The following FOXP1 variants were observed in gnomAD, a reference collection of about 807,000 sequenced individuals.
The protein encoded by FOXP1 is forkhead box P1.
A neutral mutation model predicts 98.2 loss-of-function variants in FOXP1; 15 were observed. The observed-to-expected ratio is 0.15, with a 90% CI of 0.10 to 0.24. The LOEUF is 0.24. FOXP1 is among the 10% of genes least tolerant of loss of function. The pLI, the probability that FOXP1 is intolerant of heterozygous loss-of-function variation, is 1.00. For missense variants in FOXP1, 633 were observed against 848.5 expected, an observed-to-expected ratio of 0.75 and a Z score of 3.15; for synonymous variants, 371 against 314.5, an observed-to-expected ratio of 1.18 and a Z score of -1.90.
chr3:71,010,986 G>A (rs2043525636), intron 12 of FOXP1, among the ~76,000 whole-genome samples: 1 of 152,060 alleles, frequency 6.6e-6, no homozygotes, highest in Non-Finnish European at 1.5e-5. Flanking sequence ...ACAGAGAAGT[G>A]GGAAATGTGA....
chr3:71,036,832 G>A (rs1471161730), intron 11 of FOXP1, among the ~76,000 whole-genome samples: 6 of 152,124 alleles, frequency 3.9e-5, no homozygotes, highest in African/African-American at 7.2e-5. Flanking sequence ...TCTTTTAAAC[G>A]CAGTGATTTG....
At chr3:71,005,217 T>C (rs1156554802) in intron 12 of FOXP1, among the ~76,000 whole-genome samples, 1 of 148,816 alleles carries the variant, frequency 6.7e-6, no homozygotes, top group Non-Finnish European at 1.5e-5. Context: ...ACTGGCAGCA[T>C]CTCTTAGCCA....
At chr3:70,975,467 G>A (rs571228745) in intron 17 of FOXP1, among the ~76,000 whole-genome samples, 6 of 152,220 alleles carry the variant, frequency 3.9e-5, no homozygotes, top group South Asian at 4.1e-4. Flanking sequence ...GGTTATATTC[G>A]TTTTCTTTTA....
chr3:71,117,866 G>A (rs1335456995), intron 6 of FOXP1, among the ~76,000 whole-genome samples: 1 of 152,170 alleles, frequency 6.6e-6, no homozygotes, highest in African/African-American at 2.4e-5. Context: ...GACACAGTTT[G>A]AGGATGTCAC....
chr3:71,391,371 T>C (rs1220651945), intron 3 of FOXP1, among the ~76,000 whole-genome samples: 2 of 152,194 alleles, frequency 1.3e-5, no homozygotes, highest in African/African-American at 4.8e-5. Context: ...TCTTTCCAAA[T>C]AAAAATGAGT....
chr3:71,553,905 C>T (rs2045945212), intron 2 of FOXP1, among the ~76,000 whole-genome samples: 1 of 152,158 alleles, frequency 6.6e-6, no homozygotes, highest in Non-Finnish European at 1.5e-5. Flanking sequence ...TAGTTAGCTA[C>T]AGTTTCTATT....
At chr3:71,427,688 C>T (rs2084288873) in intron 3 of FOXP1, among the ~76,000 whole-genome samples, 1 of 152,186 alleles carries the variant, frequency 6.6e-6, no homozygotes. Flanking sequence ...GAGAATGATA[C>T]AAGCGATGGA....
chr3:71,558,406 A>G (rs1252416585), intron 2 of FOXP1, among the ~76,000 whole-genome samples: 1 of 152,228 alleles, frequency 6.6e-6, no homozygotes, highest in Non-Finnish European at 1.5e-5. Flanking sequence ...AGGAATAAGC[A>G]ATTCGGGCTA....
At position 71,442,501 on chromosome 3, in the gene FOXP1, T is replaced by C. The variant is rs148833848; in HGVS notation, c.-168+50925A>G. 3.2e-4 allele frequency among the ~76,000 whole-genome samples: 48 copies of C among 152,276 alleles called. No homozygotes were observed. The East Asian group carries it at 9.1e-3, about 29-fold the overall frequency. ...CAGCTGATTTTAGTGAAATTATTCA[T>C]GCAAGTCTCGCGCAGTGAGTTGGGT... On this transcript the variant is annotated intron_variant, in intron 3 of 20. Transcript: ENST00000649528.
chr3:70,972,692 AAGAG>A lies in FOXP1; in HGVS notation c.1531-20_1531-17del. On this transcript the variant is annotated splice_polypyrimidine_tract_variant and intron_variant, in intron 17 of 20. Transcript: ENST00000649528. ...GCACTGCATTCTGCAGCAAGTATAA[AAGAG>A]AGAACATTTACATTTTCTATAAGAA... is the stretch of plus-strand genomic sequence containing the variant. 6.2e-7 allele frequency: 1 copy of A among 1,613,670 alleles called. No homozygotes were observed. Among genetic ancestry groups the A allele is most frequent in the Non-Finnish European group, 8.5e-7 (1 of 1,179,586 alleles).
intron 4 of FOXP1, among the ~76,000 whole-genome samples, chr3:71,352,607 T>G (rs1330661995): frequency 6.6e-6 from 1 of 152,100 alleles, no homozygotes; most frequent in Non-Finnish European, 1.5e-5. Flanking sequence ...TCCTCACCTG[T>G]AAAATGAATT....
At chr3:71,029,351 A>C (rs1372163032) in intron 11 of FOXP1, among the ~76,000 whole-genome samples, 2 of 152,050 alleles carry the variant, frequency 1.3e-5, no homozygotes, top group Non-Finnish European at 2.9e-5. Context: ...AGGCAGATGT[A>C]GGGGGAACAT....
chr3:71,234,311 C>T (rs949074932), intron 5 of FOXP1, among the ~76,000 whole-genome samples: 2 of 152,152 alleles, frequency 1.3e-5, no homozygotes, highest in Non-Finnish European at 1.5e-5. Context: ...TATTCCAACT[C>T]GGAATTAATC....
At position 71,198,306 on chromosome 3, in the gene FOXP1, A is replaced by C. The variant is rs533097431; in HGVS notation, c.76T>G (p.Leu26Val). The C allele has an allele frequency of 3.7e-6, 6 of 1,613,272 alleles. No homozygotes were observed. In the South Asian group the frequency reaches 5.5e-5, roughly 15 times the overall value. The change falls in exon 6 of 21, where the codon TTA becomes GTA. Residue 26 changes from leucine (L) to valine (V), a missense_variant. This residue lies in a region of FOXP1 where 103 missense variants were observed against 85.5 expected (regional missense o/e 1.20). Coordinates refer to ENST00000649528, the MANE Select transcript of FOXP1 (RefSeq NM_001349338.3). ...IQNGSGGSNHLLECGGLREGR... is the reference protein window; with the variant it reads ...IQNGSGGSNHVLECGGLREGR... ...TCCCGAAGACCGCCGCACTCTAGTA[A>C]GTGGTTGCTGCCGCCCGACCCATTC...
At chr3:71,166,311 A>C (rs1249849114) in intron 6 of FOXP1, among the ~76,000 whole-genome samples, 1 of 152,194 alleles carries the variant, frequency 6.6e-6, no homozygotes, top group Non-Finnish European at 1.5e-5. Context: ...CGCTAGCGTG[A>C]CCATCACAGA....
chr3:71,569,493 C>T (rs1187883017), intron 2 of FOXP1, among the ~76,000 whole-genome samples: 2 of 152,174 alleles, frequency 1.3e-5, no homozygotes, highest in South Asian at 4.2e-4. Context: ...AGAGCAAGTA[C>T]TTATTAAGAA....
At chr3:71,153,198 C>T (rs2060658418) in intron 6 of FOXP1, among the ~76,000 whole-genome samples, 1 of 152,160 alleles carries the variant, frequency 6.6e-6, no homozygotes, top group Admixed American at 6.5e-5. Context: ...ACCTGTGTCT[C>T]CCAACCCACC....
intron 11 of FOXP1, 147 bp from the exon 12 acceptor site, chr3:71,015,800 A>G (rs2044380257): frequency 1.6e-6 from 1 of 617,866 alleles, no homozygotes; most frequent in Non-Finnish European, 3.0e-6. Flanking sequence ...GTAATTGACT[A>G]ATTAATTCTG....
At chr3:71,404,143 T>TTTTTTTTTC in intron 3 of FOXP1, among the ~76,000 whole-genome samples, 1 of 143,698 alleles carries the variant, frequency 7.0e-6, no homozygotes, top group Non-Finnish European at 1.5e-5. Flanking sequence ...TTTTTTTTTT[T>TTTTTTTTTC]TGAGATGGAG....
Sources: allele counts gnomAD v4.1 joint callset (sites outside exome capture counted in the v4.1 genomes callset), GRCh38; gene constraint gnomAD v4.1.1; regional missense constraint gnomAD v4.1.1; transcripts MANE v1.5; gene names NCBI Gene and HGNC (gene_info 2026-07-23, HGNC 2026-07-21).